The following LCN2 variants were observed in gnomAD, a reference collection of about 807,000 sequenced individuals.
LCN2 encodes the protein neutrophil gelatinase-associated lipocalin.
Under a neutral mutation model 26.4 loss-of-function variants are expected in LCN2, and 27 were observed. That is an observed-to-expected ratio of 1.02 (90% CI 0.76 to 1.41). The LOEUF is 1.41. LCN2 is among the 40% of genes most tolerant of loss of function. The probability of loss-of-function intolerance (pLI) is 0.00; values close to 1 mark genes in which losing one functional copy is unlikely to be tolerated. For missense variants in LCN2, 224 were observed against 237.6 expected (o/e 0.94, Z 0.38); for synonymous variants, 94 against 98.9 (o/e 0.95, Z 0.30).
At position 128,151,992 on chromosome 9, in the gene LCN2, C is replaced by G; in HGVS notation, c.442C>G (p.Gln148Glu). 1 of 1,614,114 alleles carries G rather than the reference C, an allele frequency of 6.2e-7. No individual in the cohort carries two copies. Among genetic ancestry groups the G allele is most frequent in the South Asian group, 1.1e-5 (1 of 91,086 alleles). Residue 148 changes from glutamine (Q) to glutamate (E), a missense_variant, in exon 4 of 7, where the codon CAA becomes GAA. Coordinates refer to ENST00000277480, the MANE Select transcript of LCN2 (RefSeq NM_005564.5). ...TATGGTGTTCTTCAAGAAAGTTTCTCAAAACAGGGAGTACTTCAAGATCAC... is the reference window on the plus strand; with the variant it reads ...TATGGTGTTCTTCAAGAAAGTTTCTGAAAACAGGGAGTACTTCAAGATCAC... ...HAMVFFKKVSQNREYFKITLY... is the reference protein window; with the variant it reads ...HAMVFFKKVSENREYFKITLY...
chr9:128,149,514 G>A lies in LCN2; in HGVS notation c.-12G>A, dbSNP rs750297639. The A allele has an allele frequency of 3.8e-5, 60 of 1,590,448 alleles. No homozygotes were observed. The highest frequency in any genetic ancestry group is 2.8e-4 in the South Asian group (25 of 89,542). ...CAGCCACCACAGCGCCTGCTTCCTC[G>A]GCCCTGAAATCATGCCCCTAGGTCT... On this transcript the variant is annotated 5_prime_UTR_variant, in exon 1 of 7. Coordinates refer to ENST00000277480, the MANE Select transcript of LCN2 (RefSeq NM_005564.5).
At position 128,153,427 on chromosome 9, in the gene LCN2, T is replaced by G; in HGVS notation, c.*124T>G. ...ACCCCGCTGATGGAGCCCCACCTTG[T>G]CTGCTAAATAAACATGTGCCCTCAG... On this transcript the variant is annotated 3_prime_UTR_variant, in exon 7 of 7. Transcript: ENST00000277480. The surrounding 1 kb of genome is among the most constrained non-coding windows in gnomAD (Gnocchi z 5.4). 1.9e-6 allele frequency: 1 copy of G among 519,630 alleles called. No homozygotes were observed. The allele number at this position is 519,630 out of a possible 1,614,324, so 32.2% of individuals were successfully genotyped here. A position where few individuals can be genotyped will look rare whatever the true frequency, so the allele number is the denominator to read the frequency against.
chr9:128,149,904 C>T (rs72756848), intron 1 of LCN2, among the ~76,000 whole-genome samples: 3,250 of 151,058 alleles, frequency 0.022, 52 homozygotes, highest in Non-Finnish European at 0.036. Flanking sequence ...CCATAACCCC[C>T]ATTGTCCAAA....
chr9:128,151,825 C>G, intron 3 of LCN2, 81 bp from the exon 4 acceptor site: 1 of 1,588,106 alleles, frequency 6.3e-7, no homozygotes, highest in South Asian at 1.1e-5. Context: ...GAGAAGCCCA[C>G]GTTGATGGGC....
chr9:128,150,984 C>T (rs1835001190), intron 2 of LCN2, among the ~76,000 whole-genome samples: 1 of 152,128 alleles, frequency 6.6e-6, no homozygotes, highest in Admixed American at 6.5e-5. Context: ...TGAAGCGGGG[C>T]CGTCACAGGT....
At chr9:128,150,124 G>T in intron 1 of LCN2, 114 bp from the exon 2 acceptor site, 5 of 1,398,596 alleles carry the variant, frequency 3.6e-6, no homozygotes, top group Non-Finnish European at 4.8e-6. Flanking sequence ...CTGCTGCCCA[G>T]CTAGAGGGGC....
intron 5 of LCN2, 134 bp from the exon 6 acceptor site, chr9:128,152,966 T>C: frequency 8.1e-7 from 1 of 1,229,600 alleles, no homozygotes. Flanking sequence ...CCATATCTTC[T>C]GCAGCTGGGC....
intron 5 of LCN2, among the ~76,000 whole-genome samples, chr9:128,152,665 T>C (rs1829148515): frequency 6.6e-6 from 1 of 152,180 alleles, no homozygotes; most frequent in Non-Finnish European, 1.5e-5. Flanking sequence ...CCCTGGGTTT[T>C]GCTGTCCTGG....
intron 5 of LCN2, among the ~76,000 whole-genome samples, chr9:128,152,523 G>A (rs988761408): frequency 2.0e-5 from 3 of 152,196 alleles, no homozygotes; most frequent in African/African-American, 7.2e-5. Context: ...TTTAGCCCGG[G>A]TCTGCCCAGA....
chr9:128,151,982 G>T lies in LCN2; in HGVS notation c.432G>T (p.Lys144Asn), dbSNP rs748856765. 1 of 1,614,138 alleles carries T rather than the reference G, an allele frequency of 6.2e-7. No homozygotes were observed. The highest frequency in any genetic ancestry group is 1.1e-5 in the South Asian group (1 of 91,090). Residue 144 changes from lysine (K) to asparagine (N), a missense_variant, in exon 4 of 7, where the codon AAG (lysine) becomes AAT (asparagine). Coordinates refer to ENST00000277480, the MANE Select transcript of LCN2 (RefSeq NM_005564.5). The stretch of plus-strand genomic sequence containing the variant: ...ACCAGCATGCTATGGTGTTCTTCAA[G>T]AAAGTTTCTCAAAACAGGGAGTACT... ...NYNQHAMVFF[K>N]KVSQNREYFK... is the part of the protein sequence containing the mutation.
In LCN2 at chr9:128,150,377, G is replaced by A. The variant is rs879118853; in HGVS notation, c.275+3G>A. 1.9e-6 allele frequency: 3 copies of A among 1,614,236 alleles called. No homozygotes were observed. Among genetic ancestry groups the A allele is most frequent in the Non-Finnish European group, 2.5e-6 (3 of 1,180,030 alleles). On this transcript the variant is annotated splice_donor_region_variant and intron_variant, in intron 2 of 6. Transcript: ENST00000277480. ...AATGTCACCTCCGTCCTGTTTAGGT[G>A]AGGGCCGACATCTCCTGGGGGTGTG...
At position 128,153,151 on chromosome 9, in the gene LCN2, G is replaced by C; in HGVS notation, c.*7+25G>C. On this transcript the variant is annotated intron_variant, in intron 6 of 6. Transcript: ENST00000277480. This position sits in a 1 kb window ranked among gnomAD's most constrained non-coding sequence, Gnocchi z 5.4. ...AGTGAGTGTGGCTGGGCGGCTGCGAGGGGGCTTGTGGGAGGCCAGGGTGCA... is the reference window on the plus strand; with the variant it reads ...AGTGAGTGTGGCTGGGCGGCTGCGACGGGGCTTGTGGGAGGCCAGGGTGCA... 3.7e-6 allele frequency: 6 copies of C among 1,613,792 alleles called. No individual in the cohort carries two copies. Among genetic ancestry groups the C allele is most frequent in the Non-Finnish European group, 5.1e-6 (6 of 1,179,920 alleles).
intron 2 of LCN2, among the ~76,000 whole-genome samples, chr9:128,150,850 T>C (rs1178284624): frequency 3.9e-4 from 60 of 152,200 alleles, no homozygotes; most frequent in Admixed American, 3.9e-3. Context: ...CGCTAGCACC[T>C]AGCACGGTCC....
chr9:128,151,667 CT>C lies in LCN2; in HGVS notation c.309del (p.Phe103LeufsTer21). ...RKKKCDYWIRTFVPGCQPGEF... is the reference protein window; with the variant it reads ...RKKKCDYWIRXFVPGCQPGEF... ...AAGAAGTGTGACTACTGGATCAGGA[CT>C]TTTGTTCCAGGTTGCCAGCCCGGCG... is the stretch of plus-strand genomic sequence containing the variant. On this transcript the variant is annotated frameshift_variant, in exon 3 of 7. Coordinates refer to ENST00000277480, the MANE Select transcript of LCN2 (RefSeq NM_005564.5). LOFTEE classifies it high-confidence loss of function. 6.2e-7 allele frequency: 1 copy of C among 1,614,096 alleles called. No individual in the cohort carries two copies. Among genetic ancestry groups the C allele is most frequent in the Non-Finnish European group, 8.5e-7 (1 of 1,179,940 alleles).
At chr9:128,151,301 T>G in intron 2 of LCN2, 1 of 543,306 alleles carries the variant, frequency 1.8e-6, no homozygotes, top group Non-Finnish European at 3.4e-6. Context: ...AGGGGAGAAA[T>G]GCAGGGTTTC....
chr9:128,153,281 C>G lies in LCN2; in HGVS notation c.*8-30C>G, dbSNP rs1001390633. ...ATCTCGGGTGCCTCCCATTTCCCCACCCATCACCCTCATATCCACCTCTGT... is the reference window on the plus strand; with the variant it reads ...ATCTCGGGTGCCTCCCATTTCCCCAGCCATCACCCTCATATCCACCTCTGT... On this transcript the variant is annotated intron_variant, in intron 6 of 6. Coordinates refer to ENST00000277480, the MANE Select transcript of LCN2 (RefSeq NM_005564.5). The surrounding 1 kb of genome is among the most constrained non-coding windows in gnomAD (Gnocchi z 5.4). 1 of 859,820 alleles carries G rather than the reference C, an allele frequency of 1.2e-6. No homozygotes were observed. The highest frequency in any genetic ancestry group is 1.9e-6 in the Non-Finnish European group (1 of 526,524). 53.3% of individuals were successfully genotyped at this position (859,820 alleles called of 1,614,324 possible). A position where few individuals can be genotyped will look rare whatever the true frequency, so the allele number is the denominator to read the frequency against.
At position 128,153,288 on chromosome 9, in the gene LCN2, C is replaced by A; in HGVS notation, c.*8-23C>A. The A allele has an allele frequency of 2.5e-6, 2 of 804,456 alleles. No homozygotes were observed. Among genetic ancestry groups the A allele is most frequent in the Non-Finnish European group, 4.1e-6 (2 of 483,340 alleles). The allele number at this position is 804,456 out of a possible 1,614,324, so 49.8% of individuals were successfully genotyped here. A position where few individuals can be genotyped will look rare whatever the true frequency, so the allele number is the denominator to read the frequency against. ...GTGCCTCCCATTTCCCCACCCATCA[C>A]CCTCATATCCACCTCTGTCCAGGGT... is the stretch of plus-strand genomic sequence containing the variant. On this transcript the variant is annotated intron_variant, in intron 6 of 6. Coordinates refer to ENST00000277480, the MANE Select transcript of LCN2 (RefSeq NM_005564.5). The surrounding 1 kb of genome is among the most constrained non-coding windows in gnomAD (Gnocchi z 5.4).
chr9:128,151,677 A>G lies in LCN2; in HGVS notation c.315A>G (p.Pro105=). Residue 105 remains proline (P), a synonymous_variant, in exon 3 of 7, where the codon CCA becomes CCG. Transcript: ENST00000277480. ...KCDYWIRTFV[P]GCQPGEFTLG... ...ACTACTGGATCAGGACTTTTGTTCC[A>G]GGTTGCCAGCCCGGCGAGTTCACGC... The G allele has an allele frequency of 6.2e-7, 1 of 1,614,100 alleles. No homozygotes were observed. The highest frequency in any genetic ancestry group is 2.2e-5 in the East Asian group (1 of 44,886).
chr9:128,149,740 T>A (rs1270493696), intron 1 of LCN2, 77 bp downstream of exon 1: 1 of 1,566,280 alleles, frequency 6.4e-7, no homozygotes, highest in African/African-American at 1.4e-5. Context: ...GTGAAGAGAC[T>A]CAGGAAGAGC....
Sources: gnomAD v4.1 joint callset for allele counts (sites outside exome capture counted in the v4.1 genomes callset) on GRCh38, gnomAD v4.1.1 for gene constraint, Gnocchi (gnomAD v3.1) non-coding constraint, MANE v1.5 for transcripts, NCBI Gene and HGNC (gene_info 2026-07-23, HGNC 2026-07-21) for gene names.